The following MED13 variants were observed in gnomAD, a reference collection of about 807,000 sequenced individuals.
MED13 encodes the protein mediator complex subunit 13, also known as mediator of RNA polymerase II transcription subunit 13.
Under a neutral mutation model 225.2 loss-of-function variants are expected in MED13, and 23 were observed. The ratio of observed to expected loss-of-function variants is 0.10; its 90% confidence interval spans 0.07 to 0.14. The LOEUF (loss-of-function observed/expected upper bound fraction) is 0.14, where lower values mean the gene tolerates loss of function less well. Among genes scored for constraint, MED13 ranks in the 10% least tolerant of loss-of-function variants. The probability of loss-of-function intolerance (pLI) is 1.00; values close to 1 mark genes in which losing one functional copy is unlikely to be tolerated. For synonymous variants in MED13, 942 were observed against 889.2 expected (o/e 1.06, Z -1.06); for missense variants, 2,197 against 2,594.5 (o/e 0.85, Z 3.33).
intron 3 of MED13, among the ~76,000 whole-genome samples, chr17:62,052,228 T>C (rs1373518051): frequency 6.6e-6 from 1 of 151,816 alleles, no homozygotes; most frequent in Non-Finnish European, 1.5e-5. Context: ...CCACAAATAC[T>C]AAAAAAAAGA....
intron 27 of MED13, among the ~76,000 whole-genome samples, chr17:61,951,458 T>C (rs2079895859): frequency 6.6e-6 from 1 of 152,204 alleles, no homozygotes; most frequent in Admixed American, 6.5e-5. Context: ...AAGGGACAAC[T>C]ACCAAGTCAC....
chr17:62,048,070 A>ATATATATATATATG (rs2080918000), intron 3 of MED13, among the ~76,000 whole-genome samples: 1 of 146,372 alleles, frequency 6.8e-6, no homozygotes, highest in African/African-American at 2.5e-5. Flanking sequence ...ATATGTATAT[A>ATATATATATATATG]TGTATATATA....
rs79083062 is a variant in MED13 at position 61,988,282 on chromosome 17, T to C, written c.2264-1154A>G. 4.8e-3 allele frequency among the ~76,000 whole-genome samples: 724 copies of C among 152,298 alleles called. 6 individuals carry two copies. Among genetic ancestry groups the C allele is most frequent in the African/African-American group, 0.015 (609 of 41,566 alleles). Reference sequence around the variant, plus strand: ...GATAAATATTACCGCTTAGTTACCGTACTACAATTTTATTTTCCTACCCTC... The same window carrying C: ...GATAAATATTACCGCTTAGTTACCGCACTACAATTTTATTTTCCTACCCTC... On this transcript the variant is annotated intron_variant, in intron 11 of 29. Coordinates refer to ENST00000397786, the MANE Select transcript of MED13 (RefSeq NM_005121.3).
At chr17:61,996,979 C>A (rs927794256) in intron 9 of MED13, among the ~76,000 whole-genome samples, 1 of 152,154 alleles carries the variant, frequency 6.6e-6, no homozygotes, top group African/African-American at 2.4e-5. Context: ...CTAAAATACA[C>A]TATCTTGTAC....
intron 8 of MED13, among the ~76,000 whole-genome samples, chr17:62,022,402 T>A (rs368375378): frequency 6.6e-6 from 1 of 152,132 alleles, no homozygotes; most frequent in East Asian, 1.9e-4. Context: ...GGAAACAAAC[T>A]GTATGTCCAT....
chr17:61,973,731 C>T (rs548679826), intron 16 of MED13, among the ~76,000 whole-genome samples: 153 of 152,258 alleles, frequency 1.0e-3, no homozygotes, highest in African/African-American at 3.5e-3. Flanking sequence ...CCTGTAATTC[C>T]AGCACTTTGG....
chr17:61,951,397 C>A (rs2079895304), intron 27 of MED13, among the ~76,000 whole-genome samples: 1 of 152,152 alleles, frequency 6.6e-6, no homozygotes, highest in African/African-American at 2.4e-5. Context: ...TAATCTAGCA[C>A]TATCTATAAA....
intron 16 of MED13, among the ~76,000 whole-genome samples, chr17:61,976,769 T>C (rs2080160218): frequency 6.6e-6 from 1 of 152,008 alleles, no homozygotes; most frequent in Non-Finnish European, 1.5e-5. Context: ...CCGTCTCTAC[T>C]AAAAATACAA....
At position 62,053,991 on chromosome 17, in the gene MED13, A is replaced by C. The variant is rs549272213; in HGVS notation, c.302-1286T>G. The stretch of plus-strand genomic sequence containing the variant: ...ATAGTCAAGTCTTTCAAAGCAACTA[A>C]TTTTTTTTTAAATTTTATTTTAAAT... On this transcript the variant is annotated intron_variant, in intron 2 of 29. Coordinates refer to ENST00000397786, the MANE Select transcript of MED13 (RefSeq NM_005121.3). Among the ~76,000 whole-genome samples, 5 of 151,948 alleles carry C rather than the reference A, an allele frequency of 3.3e-5. No homozygotes were observed. The South Asian group carries it at 1.0e-3, about 32-fold the overall frequency.
intron 16 of MED13, among the ~76,000 whole-genome samples, chr17:61,980,278 C>T (rs2080192834): frequency 6.6e-6 from 1 of 152,104 alleles, no homozygotes; most frequent in South Asian, 2.1e-4. Flanking sequence ...TCTCAATTTC[C>T]TTTCCTGGTG....
intron 2 of MED13, among the ~76,000 whole-genome samples, chr17:62,060,100 T>C (rs1312725451): frequency 6.6e-6 from 1 of 152,080 alleles, no homozygotes; most frequent in Non-Finnish European, 1.5e-5. Flanking sequence ...GAGACCAGCC[T>C]GGCGAACACG....
intron 3 of MED13, among the ~76,000 whole-genome samples, chr17:62,043,166 AAAAAAAAAAAAAAAAAAAG>A (rs2080868711): frequency 6.8e-6 from 1 of 147,026 alleles, no homozygotes; most frequent in African/African-American, 2.5e-5. Context: ...CAAAAAAAAA[AAAAAAAAAAAAAAAAAAAG>A]AAAGAAAGAA....
At chr17:62,037,103 A>C (rs2080810087) in intron 3 of MED13, among the ~76,000 whole-genome samples, 1 of 152,050 alleles carries the variant, frequency 6.6e-6, no homozygotes, top group Non-Finnish European at 1.5e-5. Context: ...AATACAAAAA[A>C]TTAGCCAGGC....
chr17:61,998,164 C>G (rs777127519), intron 9 of MED13, among the ~76,000 whole-genome samples: 1 of 152,140 alleles, frequency 6.6e-6, no homozygotes, highest in African/African-American at 2.4e-5. Flanking sequence ...ACCATACTGT[C>G]AACATCAATT....
intron 2 of MED13, among the ~76,000 whole-genome samples, chr17:62,060,768 C>T (rs754808502): frequency 2.6e-5 from 4 of 151,164 alleles, no homozygotes; most frequent in Admixed American, 1.3e-4. Flanking sequence ...GGCAAGATCT[C>T]GGCTCACTGC....
chr17:62,041,724 T>C (rs1315975009), intron 3 of MED13, among the ~76,000 whole-genome samples: 1 of 152,146 alleles, frequency 6.6e-6, no homozygotes, highest in Non-Finnish European at 1.5e-5. Flanking sequence ...ACTACAGGTG[T>C]GAGCCACTAT....
Position 62,057,174 on chromosome 17 carries a change from A to G in MED13, c.302-4469T>C, listed in dbSNP as rs142786059. ...AAAATGTAACATATGCTAATGAATA[A>G]TGGCTCAAAAATTAACATGGTAGAA... On this transcript the variant is annotated intron_variant, in intron 2 of 29. Coordinates refer to ENST00000397786, the MANE Select transcript of MED13 (RefSeq NM_005121.3). Among the ~76,000 whole-genome samples, 1,138 of 152,320 alleles carry G rather than the reference A, an allele frequency of 7.5e-3. 9 individuals are homozygous for G. The highest frequency in any genetic ancestry group is 0.025 in the African/African-American group (1,030 of 41,568).
rs975091640 is a variant in MED13 at position 61,944,624 on chromosome 17, A to G, written c.*1844T>C. On this transcript the variant is annotated 3_prime_UTR_variant, in exon 30 of 30. Transcript: ENST00000397786. ...ACAATCTGAAGAAGTTATGTTGTTCATAAGAAAGTGATATTTAATTCTAAG... is the reference window on the plus strand; with the variant it reads ...ACAATCTGAAGAAGTTATGTTGTTCGTAAGAAAGTGATATTTAATTCTAAG... 4 of 152,258 alleles carry G rather than the reference A, an allele frequency of 2.6e-5. No individual in the cohort carries two copies. The highest frequency in any genetic ancestry group is 4.4e-5 in the Non-Finnish European group (3 of 68,034). The allele number at this position is 152,258 out of a possible 1,614,324, so 9.4% of individuals were successfully genotyped here. A position where few individuals can be genotyped will look rare whatever the true frequency, so the allele number is the denominator to read the frequency against.
chr17:61,973,821 A>G (rs1341531450), intron 16 of MED13, among the ~76,000 whole-genome samples: 1 of 152,058 alleles, frequency 6.6e-6, no homozygotes, highest in African/African-American at 2.4e-5. Context: ...GTCTCTACCA[A>G]AAAATATAAA....
Sources: allele counts gnomAD v4.1 joint callset (sites outside exome capture counted in the v4.1 genomes callset), GRCh38; gene constraint gnomAD v4.1.1; transcripts MANE v1.5; gene names NCBI Gene and HGNC (gene_info 2026-07-23, HGNC 2026-07-21).